NXN: variants seen among roughly 807,000 people sequenced by gnomAD.
NXN encodes the protein nucleoredoxin 1.
In NXN, 16 loss-of-function variants were observed where a neutral mutation model predicts 48.6. The observed-to-expected ratio is 0.33, with a 90% CI of 0.22 to 0.50. The LOEUF (loss-of-function observed/expected upper bound fraction) is 0.50. Ranked by LOEUF, NXN falls within the 20% of genes least tolerant of loss-of-function variation. The pLI is 0.98. For missense variants in NXN, 492 were observed against 605.5 expected, an observed-to-expected ratio of 0.81 and a Z score of 1.97; for synonymous variants, 281 against 269.6, an observed-to-expected ratio of 1.04 and a Z score of -0.41.
intron 5 of NXN, among the ~76,000 whole-genome samples, chr17:810,867 C>A (rs1355694330): frequency 1.3e-5 from 2 of 151,790 alleles, no homozygotes; most frequent in South Asian, 4.1e-4. Context: ...CCAGCCTGGG[C>A]GACAGAGCGA....
chr17:872,868 G>A (rs760787037), intron 1 of NXN, among the ~76,000 whole-genome samples: 5 of 151,986 alleles, frequency 3.3e-5, no homozygotes, highest in Admixed American at 2.0e-4. Context: ...TGATCCACCC[G>A]CCTTGGCCTC....
intron 1 of NXN, among the ~76,000 whole-genome samples, chr17:884,189 C>A (rs1004251182): frequency 6.8e-6 from 1 of 148,086 alleles, no homozygotes; most frequent in Non-Finnish European, 1.5e-5. Context: ...CCACTGCACT[C>A]CAGCCTGGGG....
chr17:861,295 G>A (rs761385180), intron 1 of NXN, among the ~76,000 whole-genome samples: 1 of 152,070 alleles, frequency 6.6e-6, no homozygotes, highest in African/African-American at 2.4e-5. Context: ...CACTATGCTC[G>A]GCTAATTTTT....
intron 1 of NXN, 59 bp downstream of exon 1, chr17:979,260 C>T: frequency 1.2e-6 from 1 of 833,190 alleles, no homozygotes; most frequent in Non-Finnish European, 1.4e-6. Context: ...GCGTGGGGGG[C>T]GGGCAGGGGT....
intron 1 of NXN, among the ~76,000 whole-genome samples, chr17:844,594 C>CT (rs892843158): frequency 3.3e-5 from 5 of 151,056 alleles, no homozygotes; most frequent in Non-Finnish European, 7.4e-5. Flanking sequence ...TCTTTTTTTT[C>CT]TTTTTTTTGA....
At chr17:804,274 CTTTTTT>C (rs11325268) in intron 6 of NXN, among the ~76,000 whole-genome samples, 25 of 88,958 alleles carry the variant, frequency 2.8e-4, no homozygotes, top group African/African-American at 1.2e-3. Context: ...TGGTCAGCGG[CTTTTTT>C]TTTTTTTTTT....
chr17:872,365 T>A (rs2068165089), intron 1 of NXN, among the ~76,000 whole-genome samples: 10 of 133,044 alleles, frequency 7.5e-5, no homozygotes, highest in East Asian at 2.2e-4. Flanking sequence ...AACATGTCAA[T>A]CAAAGACAAG....
chr17:811,125 A>G (rs1911970468), intron 5 of NXN, among the ~76,000 whole-genome samples: 1 of 152,230 alleles, frequency 6.6e-6, no homozygotes. Flanking sequence ...GAGAAGGCAG[A>G]GCGGGAGGAG....
chr17:891,332 G>T (rs1167634370), intron 1 of NXN, among the ~76,000 whole-genome samples: 2 of 152,228 alleles, frequency 1.3e-5, no homozygotes, highest in Non-Finnish European at 2.9e-5. Context: ...CTCCCAAAGT[G>T]CTAGGATTAC....
intron 5 of NXN, among the ~76,000 whole-genome samples, chr17:807,820 G>A (rs1202893386): frequency 6.6e-6 from 1 of 152,264 alleles, no homozygotes; most frequent in African/African-American, 2.4e-5. Flanking sequence ...CATGACGAGT[G>A]CACATCCCTC....
At chr17:925,968 T>G (rs2068793816) in intron 1 of NXN, among the ~76,000 whole-genome samples, 1 of 152,228 alleles carries the variant, frequency 6.6e-6, no homozygotes, top group African/African-American at 2.4e-5. Context: ...TTCCCTGATA[T>G]CACCAATAGT....
intron 1 of NXN, among the ~76,000 whole-genome samples, chr17:831,980 G>A (rs2144673072): frequency 1.5e-5 from 2 of 131,710 alleles, no homozygotes; most frequent in South Asian, 4.9e-4. Flanking sequence ...TGTTCTGTGG[G>A]GCTTGGGGCT....
chr17:936,766 G>A (rs933722724), intron 1 of NXN, among the ~76,000 whole-genome samples: 3 of 149,290 alleles, frequency 2.0e-5, no homozygotes, highest in Non-Finnish European at 3.0e-5. Context: ...AAACGCATAC[G>A]AGATACTTCA....
At chr17:829,647 G>A (rs28877683) in intron 1 of NXN, among the ~76,000 whole-genome samples, 41,015 of 151,704 alleles carry the variant, frequency 0.27, 5,949 homozygotes, top group East Asian at 0.47. Context: ...ACAGGCCCCA[G>A]TGTGTGATGT....
chr17:858,501 G>C (rs1200345484), intron 1 of NXN, among the ~76,000 whole-genome samples: 1 of 151,868 alleles, frequency 6.6e-6, no homozygotes, highest in Non-Finnish European at 1.5e-5. Flanking sequence ...GCTGAGGCTG[G>C]TAGATCACGA....
At chr17:850,588 T>C (rs12936471) in intron 1 of NXN, among the ~76,000 whole-genome samples, 4 of 151,792 alleles carry the variant, frequency 2.6e-5, no homozygotes, top group African/African-American at 9.7e-5. Context: ...CTGTCTCCAG[T>C]GGGGCTGGGG....
At chr17:918,018 C>T (rs140816409) in intron 1 of NXN, among the ~76,000 whole-genome samples, 1 of 152,322 alleles carries the variant, frequency 6.6e-6, no homozygotes, top group African/African-American at 2.4e-5. Context: ...AAACTCACTC[C>T]GTATTTGCAG....
intron 1 of NXN, among the ~76,000 whole-genome samples, chr17:927,665 C>A (rs1044867747): frequency 6.6e-5 from 10 of 150,462 alleles, no homozygotes; most frequent in African/African-American, 2.4e-4. Context: ...AGATGGCCCA[C>A]GTAACCAGTC....
intron 5 of NXN, among the ~76,000 whole-genome samples, chr17:810,696 C>G (rs1911935955): frequency 2.0e-5 from 3 of 152,134 alleles, no homozygotes; most frequent in South Asian, 4.1e-4. Context: ...TGGAGACCAG[C>G]CTGACCAACA....
Sources: allele counts gnomAD v4.1 joint callset (sites outside exome capture counted in the v4.1 genomes callset), GRCh38; gene constraint gnomAD v4.1.1; transcripts MANE v1.5; gene names NCBI Gene and HGNC (gene_info 2026-07-23, HGNC 2026-07-21).